GYG1: variants seen among roughly 807,000 people sequenced by gnomAD.
The protein encoded by GYG1 is glycogenin 1.
Under a neutral mutation model 41.9 loss-of-function variants are expected in GYG1, and 44 were observed. The observed-to-expected ratio is 1.05, with a 90% CI of 0.83 to 1.35. The LOEUF is 1.35. Ranked by LOEUF, GYG1 falls within the 40% of genes most tolerant of loss-of-function variation. The pLI, the probability that GYG1 is intolerant of heterozygous loss-of-function variation, is 0.00. For synonymous variants in GYG1, 141 were observed against 158.1 expected (o/e 0.89, Z 0.81); for missense variants, 429 against 418.9 (o/e 1.02, Z -0.21).
intron 1 of GYG1, among the ~76,000 whole-genome samples, chr3:148,991,896 C>T (rs1030425010): frequency 2.0e-5 from 3 of 152,240 alleles, no homozygotes; most frequent in African/African-American, 7.2e-5. Flanking sequence ...TTCCTGCTTC[C>T]GTCTCCTCGT....
At chr3:148,992,511 A>G (rs776018851) in intron 1 of GYG1, 3 of 152,168 alleles carry the variant, frequency 2.0e-5, no homozygotes, top group Non-Finnish European at 4.4e-5. Context: ...CCCTTATTTA[A>G]TCTTGGAAAT....
intron 5 of GYG1, among the ~76,000 whole-genome samples, chr3:149,015,034 A>G (rs930800439): frequency 3.9e-5 from 6 of 152,142 alleles, no homozygotes; most frequent in African/African-American, 1.4e-4. Context: ...CAGGTTTCCA[A>G]TTTCTTTGGA....
chr3:148,991,635 A>G lies in GYG1; in HGVS notation c.-6A>G. ...TGCCCCGGCCGCCTGCGCACCCGGC[A>G]GCACCATGACAGGTACCGCCGCGCA... On this transcript the variant is annotated 5_prime_UTR_variant, in exon 1 of 8. Coordinates refer to ENST00000345003, the MANE Select transcript of GYG1 (RefSeq NM_004130.4). 6.4e-7 allele frequency: 1 copy of G among 1,552,772 alleles called. No homozygotes were observed. The highest frequency in any genetic ancestry group is 1.2e-5 in the South Asian group (1 of 85,670).
intron 1 of GYG1, among the ~76,000 whole-genome samples, chr3:148,993,675 A>G (rs1712621030): frequency 6.6e-6 from 1 of 152,316 alleles, no homozygotes; most frequent in African/African-American, 2.4e-5. Flanking sequence ...TTCCTGAGGC[A>G]TGGCATAAAC....
intron 5 of GYG1, among the ~76,000 whole-genome samples, chr3:149,017,600 TTTTTTTTTTTTTG>T (rs1714133774): frequency 9.5e-6 from 1 of 105,554 alleles, no homozygotes; most frequent in African/African-American, 4.9e-5. Context: ...TTTTTTTTTT[TTTTTTTTTTTTTG>T]GAGACACAGT....
At chr3:149,017,896 AGC>A (rs1714163207) in intron 5 of GYG1, among the ~76,000 whole-genome samples, 1 of 151,746 alleles carries the variant, frequency 6.6e-6, no homozygotes. Context: ...TACAGGTGTG[AGC>A]CACCACGCCC....
chr3:149,021,406 T>C (rs1714368074), intron 5 of GYG1, among the ~76,000 whole-genome samples: 1 of 152,236 alleles, frequency 6.6e-6, no homozygotes, highest in Admixed American at 6.5e-5. Context: ...AAGAGTAAGC[T>C]TGGGGATATC....
intron 4 of GYG1, among the ~76,000 whole-genome samples, chr3:149,006,870 G>A (rs1713432853): frequency 6.6e-6 from 1 of 152,194 alleles, no homozygotes; most frequent in Admixed American, 6.5e-5. Flanking sequence ...ATGGCATGAT[G>A]TTTTGGCTTT....
intron 5 of GYG1, among the ~76,000 whole-genome samples, chr3:149,015,262 G>A (rs886305558): frequency 3.3e-5 from 5 of 152,172 alleles, no homozygotes; most frequent in African/African-American, 1.2e-4. Flanking sequence ...GTATGAAATA[G>A]CTAAGTAGAG....
chr3:149,011,187 G>A (rs771900443), intron 5 of GYG1, among the ~76,000 whole-genome samples: 2 of 152,164 alleles, frequency 1.3e-5, no homozygotes, highest in Non-Finnish European at 2.9e-5. Flanking sequence ...GGGAGGAATA[G>A]GAGAAGCATT....
At position 149,006,751 on chromosome 3, in the gene GYG1, T is replaced by C. The variant is rs555011870; in HGVS notation, c.482-2525T>C. Among the ~76,000 whole-genome samples, 37 of 152,316 alleles carry C rather than the reference T, an allele frequency of 2.4e-4. No individual in the cohort carries two copies. The South Asian group carries it at 6.8e-3, about 28-fold the overall frequency. ...GAACCGATTGGCAGTATTTTGATGA[T>C]TATGTGTAAAAGGAAATTAGTTAAG... On this transcript the variant is annotated intron_variant, in intron 4 of 7. Transcript: ENST00000345003.
At chr3:148,998,521 T>C (rs1201801636) in intron 4 of GYG1, among the ~76,000 whole-genome samples, 2 of 152,234 alleles carry the variant, frequency 1.3e-5, no homozygotes, top group Admixed American at 6.5e-5. Flanking sequence ...GCTCTCTACA[T>C]GCTCTAAAAC....
At position 149,026,488 on chromosome 3, in the gene GYG1, G is replaced by A. The variant is rs1167301212; in HGVS notation, c.865G>A (p.Gly289Ser). The change falls in exon 7 of 8, where the codon GGC becomes AGC. Residue 289 changes from glycine (G) to serine (S), a missense_variant. Gly to Ser is a moderately conservative substitution (Grantham distance 56). Coordinates refer to ENST00000345003, the MANE Select transcript of GYG1 (RefSeq NM_004130.4). Reference protein sequence around the residue: ...DLVYTLAFSCGFCRKEDVSGA... With the variant: ...DLVYTLAFSCSFCRKEDVSGA... Reference sequence around the variant, plus strand: ...GGTCTATACACTGGCTTTCTCTTGTGGCTTCTGTAGAAAGGTATGCAGAAC... The same window carrying A: ...GGTCTATACACTGGCTTTCTCTTGTAGCTTCTGTAGAAAGGTATGCAGAAC... The A allele has an allele frequency of 1.9e-6, 3 of 1,604,030 alleles. No individual in the cohort carries two copies. The highest frequency in any genetic ancestry group is 2.6e-6 in the Non-Finnish European group (3 of 1,170,880).
chr3:148,996,444 T>A lies in GYG1; in HGVS notation c.286T>A (p.Ser96Thr). ...CCACTGCTGGTCGCTTACACAGTAT[T>A]CAAAATGTGTATTCATGGATGCAGA... is the stretch of plus-strand genomic sequence containing the variant. ...KLHCWSLTQY[S>T]KCVFMDADTL... Residue 96 changes from serine to threonine, a missense_variant, in exon 3 of 8, where the codon TCA (serine) becomes ACA (threonine). By Grantham distance (58) the Ser-to-Thr change is moderately conservative. Transcript: ENST00000345003. 1 of 1,613,868 alleles carries A rather than the reference T, an allele frequency of 6.2e-7. No individual in the cohort carries two copies.
chr3:148,994,398 T>C, intron 2 of GYG1, 121 bp downstream of exon 2: 3 of 1,001,094 alleles, frequency 3.0e-6, no homozygotes, highest in Non-Finnish European at 4.8e-6. Flanking sequence ...TAGAGAAAAA[T>C]GAGAGATGCT....
At chr3:149,012,878 G>A (rs980306668) in intron 5 of GYG1, among the ~76,000 whole-genome samples, 6 of 152,102 alleles carry the variant, frequency 3.9e-5, no homozygotes, top group Admixed American at 1.3e-4. Flanking sequence ...AGGCTAGAGT[G>A]CAGTGGTAGA....
chr3:149,005,938 A>C (rs1216240350), intron 4 of GYG1, among the ~76,000 whole-genome samples: 1 of 152,050 alleles, frequency 6.6e-6, no homozygotes, highest in East Asian at 1.9e-4. Flanking sequence ...CCAGTTTTAT[A>C]TGTATTCCCT....
Position 148,991,598 on chromosome 3 carries a change from C to G in GYG1, c.-43C>G. 1 of 1,553,544 alleles carries G rather than the reference C, an allele frequency of 6.4e-7. No homozygotes were observed. Among genetic ancestry groups the G allele is most frequent in the African/African-American group, 1.4e-5 (1 of 73,168 alleles). The stretch of plus-strand genomic sequence containing the variant: ...TCCCGGTGCCGGCTTCTCTGAGTCA[C>G]CAACCTGAGGCTGCCCCGGCCGCCT... On this transcript the variant is annotated 5_prime_UTR_variant, in exon 1 of 8. Coordinates refer to ENST00000345003, the MANE Select transcript of GYG1 (RefSeq NM_004130.4).
At chr3:148,996,611 G>A in intron 3 of GYG1, 131 bp from the exon 4 acceptor site, 1 of 1,189,544 alleles carries the variant, frequency 8.4e-7, no homozygotes, top group Non-Finnish European at 1.2e-6. Context: ...TATGTCAGGG[G>A]ATGAAGGAGA....
Sources: gnomAD v4.1 joint callset for allele counts (sites outside exome capture counted in the v4.1 genomes callset) on GRCh38, gnomAD v4.1.1 for gene constraint, MANE v1.5 for transcripts, NCBI Gene and HGNC (gene_info 2026-07-23, HGNC 2026-07-21) for gene names.